The following ZNF385B variants were observed in gnomAD, a reference collection of about 807,000 sequenced individuals.
ZNF385B encodes zinc finger protein 533.
In ZNF385B, 23 loss-of-function variants were observed where a neutral mutation model predicts 39.2. The ratio of observed to expected loss-of-function variants is 0.59; its 90% confidence interval spans 0.42 to 0.83. The LOEUF (loss-of-function observed/expected upper bound fraction) is 0.83, where lower values mean the gene tolerates loss of function less well. ZNF385B is among the 40% of genes least tolerant of loss of function. The pLI, the probability that ZNF385B is intolerant of heterozygous loss-of-function variation, is 0.00. For synonymous variants in ZNF385B, 205 were observed against 222.6 expected (o/e 0.92, Z 0.70); for missense variants, 552 against 598.9 (o/e 0.92, Z 0.82).
chr2:179,527,078 T>C (rs948511344), intron 4 of ZNF385B, among the ~76,000 whole-genome samples: 3 of 152,244 alleles, frequency 2.0e-5, no homozygotes, highest in Non-Finnish European at 4.4e-5. Flanking sequence ...TCATTACTAT[T>C]GCTACTACTA....
rs182160680 is a variant in ZNF385B, at chr2:179,554,865, G to A, written c.299-9896C>T. 2.3e-3 allele frequency among the ~76,000 whole-genome samples: 347 copies of A among 149,122 alleles called. 16 individuals are homozygous for A. Among genetic ancestry groups the A allele is most frequent in the Non-Finnish European group, 4.0e-3 (269 of 67,504 alleles). ...AAAGATGAAGATAATATTAAGTGTCGACAAGGATACAGAGCAACTAGAACT... is the reference window on the plus strand; with the variant it reads ...AAAGATGAAGATAATATTAAGTGTCAACAAGGATACAGAGCAACTAGAACT... On this transcript the variant is annotated intron_variant, in intron 3 of 9. Transcript: ENST00000410066.
At chr2:179,821,207 T>A (rs1017686931) in intron 1 of ZNF385B, among the ~76,000 whole-genome samples, 2 of 152,198 alleles carry the variant, frequency 1.3e-5, no homozygotes, top group African/African-American at 4.8e-5. Flanking sequence ...TGCCATGCCC[T>A]CCTCTCTTTC....
intron 3 of ZNF385B, among the ~76,000 whole-genome samples, chr2:179,598,521 A>G (rs1688172889): frequency 6.6e-6 from 1 of 152,160 alleles, no homozygotes; most frequent in South Asian, 2.1e-4. Context: ...GTAAATCGTG[A>G]TATATTTGAA....
At chr2:179,593,751 G>A (rs1211825836) in intron 3 of ZNF385B, among the ~76,000 whole-genome samples, 1 of 152,122 alleles carries the variant, frequency 6.6e-6, no homozygotes, top group Non-Finnish European at 1.5e-5. Context: ...ACTCATCCAA[G>A]TTATAACTAG....
At chr2:179,779,512 A>C (rs1018239067) in intron 1 of ZNF385B, among the ~76,000 whole-genome samples, 3 of 152,336 alleles carry the variant, frequency 2.0e-5, no homozygotes, top group East Asian at 1.9e-4. Flanking sequence ...GCTGTGAAAA[A>C]AATCACAACT....
At chr2:179,788,949 TTTAA>T (rs1379261823) in intron 1 of ZNF385B, among the ~76,000 whole-genome samples, 1 of 152,166 alleles carries the variant, frequency 6.6e-6, no homozygotes, top group Non-Finnish European at 1.5e-5. Context: ...TGCTTGAACT[TTTAA>T]TTTATTGTCA....
intron 5 of ZNF385B, among the ~76,000 whole-genome samples, chr2:179,504,504 G>T (rs930406166): frequency 2.6e-5 from 4 of 152,080 alleles, no homozygotes; most frequent in African/African-American, 9.7e-5. Flanking sequence ...CAGTGTAAAA[G>T]TGTTCCTATT....
At chr2:179,833,597 T>C (rs1477275921) in intron 1 of ZNF385B, among the ~76,000 whole-genome samples, 1 of 152,150 alleles carries the variant, frequency 6.6e-6, no homozygotes, top group African/African-American at 2.4e-5. Flanking sequence ...CTATACACAG[T>C]TGCCTTATTA....
chr2:179,711,530 A>G (rs764373534), intron 3 of ZNF385B, among the ~76,000 whole-genome samples: 11 of 152,186 alleles, frequency 7.2e-5, no homozygotes, highest in Non-Finnish European at 1.5e-4. Flanking sequence ...TATGCGGAGA[A>G]TGACTCCATG....
At chr2:179,706,033 G>T (rs1466736207) in intron 3 of ZNF385B, among the ~76,000 whole-genome samples, 2 of 152,186 alleles carry the variant, frequency 1.3e-5, no homozygotes, top group Non-Finnish European at 1.5e-5. Flanking sequence ...GAAAGCAATA[G>T]GTTAACCCTA....
intron 3 of ZNF385B, among the ~76,000 whole-genome samples, chr2:179,704,033 C>T (rs75568311): frequency 1.2e-4 from 19 of 152,214 alleles, no homozygotes; most frequent in Non-Finnish European, 2.2e-4. Context: ...TGATGAATTT[C>T]GAGCAAGAAA....
intron 3 of ZNF385B, among the ~76,000 whole-genome samples, chr2:179,703,681 G>A (rs1182694004): frequency 1.3e-5 from 2 of 152,204 alleles, no homozygotes; most frequent in Non-Finnish European, 2.9e-5. Context: ...TCCAGGGAAG[G>A]AGAATGAGAA....
intron 3 of ZNF385B, among the ~76,000 whole-genome samples, chr2:179,721,292 A>G (rs1191849224): frequency 6.6e-6 from 1 of 152,184 alleles, no homozygotes; most frequent in Non-Finnish European, 1.5e-5. Flanking sequence ...CATAAACGCA[A>G]TGAAAACATT....
intron 3 of ZNF385B, among the ~76,000 whole-genome samples, chr2:179,685,414 A>G (rs1044134833): frequency 1.3e-5 from 2 of 152,200 alleles, no homozygotes; most frequent in Non-Finnish European, 2.9e-5. Flanking sequence ...CATAGTTAAC[A>G]ATTAAAAGGC....
At chr2:179,823,414 T>C (rs1451036542) in intron 1 of ZNF385B, among the ~76,000 whole-genome samples, 3 of 152,168 alleles carry the variant, frequency 2.0e-5, no homozygotes, top group African/African-American at 7.2e-5. Context: ...AGCTCATTTA[T>C]AAATCCTCCT....
chr2:179,824,243 G>A (rs1707558286), intron 1 of ZNF385B, among the ~76,000 whole-genome samples: 1 of 152,222 alleles, frequency 6.6e-6, no homozygotes, highest in African/African-American at 2.4e-5. Flanking sequence ...TGTGGCTAAA[G>A]GGATGGGGCA....
intron 1 of ZNF385B, among the ~76,000 whole-genome samples, chr2:179,829,383 A>T (rs1217053650): frequency 6.6e-6 from 1 of 152,218 alleles, no homozygotes; most frequent in Non-Finnish European, 1.5e-5. Context: ...AATAATCTAG[A>T]CATTGACCTT....
chr2:179,607,716 C>T (rs1318431153), intron 3 of ZNF385B, among the ~76,000 whole-genome samples: 2 of 152,008 alleles, frequency 1.3e-5, no homozygotes, highest in Admixed American at 1.3e-4. Context: ...ACCAGTAACT[C>T]CTAGTCATGA....
chr2:179,528,348 C>T (rs1405013301), intron 4 of ZNF385B, among the ~76,000 whole-genome samples: 1 of 152,170 alleles, frequency 6.6e-6, no homozygotes, highest in African/African-American at 2.4e-5. Flanking sequence ...GTACTAAGTA[C>T]TAGACACCTT....
Sources: allele counts gnomAD v4.1 joint callset (sites outside exome capture counted in the v4.1 genomes callset), GRCh38; gene constraint gnomAD v4.1.1; transcripts MANE v1.5; gene names NCBI Gene and HGNC (gene_info 2026-07-23, HGNC 2026-07-21).